The following JPH3 variants were observed in gnomAD, a reference collection of about 807,000 sequenced individuals.
The protein encoded by JPH3 is junctophilin-3.
JPH3 carries 11 observed loss-of-function variants against 59.6 expected under a neutral mutation model. The observed-to-expected ratio is 0.18, with a 90% CI of 0.12 to 0.31. The LOEUF (loss-of-function observed/expected upper bound fraction) is 0.31. JPH3 is among the 10% of genes least tolerant of loss of function. The probability of loss-of-function intolerance (pLI) is 1.00; values close to 1 mark genes in which losing one functional copy is unlikely to be tolerated. For synonymous variants in JPH3, 673 were observed against 483.6 expected (o/e 1.39, Z -5.14); for missense variants, 1,202 against 1,105.7 (o/e 1.09, Z -1.24).
intron 2 of JPH3, among the ~76,000 whole-genome samples, chr16:87,675,901 G>C (rs1207549176): frequency 6.6e-6 from 1 of 152,206 alleles, no homozygotes; most frequent in Non-Finnish European, 1.5e-5. Flanking sequence ...CTGCCCTGCT[G>C]GCCTTTCGCT....
intron 1 of JPH3, among the ~76,000 whole-genome samples, chr16:87,615,912 C>T (rs1008643547): frequency 9.2e-5 from 14 of 152,142 alleles, no homozygotes; most frequent in African/African-American, 2.9e-4. Flanking sequence ...CTGGATGGGT[C>T]AATGAGTGGT....
At chr16:87,651,172 C>CT (rs1387616724) in intron 2 of JPH3, among the ~76,000 whole-genome samples, 5 of 152,218 alleles carry the variant, frequency 3.3e-5, no homozygotes, top group African/African-American at 9.6e-5. Context: ...GGCTGCACGG[C>CT]TTACAGCATG....
chr16:87,671,150 G>C (rs2033004177), intron 2 of JPH3, among the ~76,000 whole-genome samples: 1 of 152,196 alleles, frequency 6.6e-6, no homozygotes, highest in South Asian at 2.1e-4. Flanking sequence ...AGTCCAGCGA[G>C]ACAATGGGGT....
At chr16:87,635,116 A>G (rs2031693937) in intron 1 of JPH3, among the ~76,000 whole-genome samples, 1 of 151,988 alleles carries the variant, frequency 6.6e-6, no homozygotes, top group Admixed American at 6.5e-5. Context: ...GCCGCACATG[A>G]GTGAGTGTCT....
chr16:87,614,841 C>T (rs2030891933), intron 1 of JPH3, among the ~76,000 whole-genome samples: 1 of 147,562 alleles, frequency 6.8e-6, no homozygotes, highest in African/African-American at 2.5e-5. Flanking sequence ...CTGTGCGTCC[C>T]TTCCCGGGAT....
chr16:87,648,126 C>T (rs544604735), intron 2 of JPH3, among the ~76,000 whole-genome samples: 1 of 152,294 alleles, frequency 6.6e-6, no homozygotes, highest in African/African-American at 2.4e-5. Context: ...ACTGGTGCGA[C>T]CCTTGGAGGT....
intron 4 of JPH3, among the ~76,000 whole-genome samples, chr16:87,691,794 C>T (rs1347210867): frequency 1.3e-5 from 2 of 152,030 alleles, no homozygotes; most frequent in Admixed American, 1.3e-4. Context: ...GACCAAAATA[C>T]CAGCTCACAC....
chr16:87,649,681 G>A (rs951894362), intron 2 of JPH3, among the ~76,000 whole-genome samples: 2 of 152,178 alleles, frequency 1.3e-5, no homozygotes, highest in African/African-American at 4.8e-5. Flanking sequence ...GAAAGCTCTG[G>A]TGGAAGCCGA....
intron 1 of JPH3, among the ~76,000 whole-genome samples, chr16:87,640,413 CAG>C (rs139460930): frequency 2.7e-3 from 416 of 151,822 alleles, no homozygotes; most frequent in African/African-American, 9.3e-3. Context: ...TGTTTAGAGA[CAG>C]AGTCTTGCTC....
chr16:87,686,488 T>C lies in JPH3; in HGVS notation c.1285+2222T>C, dbSNP rs1366410725. The stretch of plus-strand genomic sequence containing the variant: ...CAGTCCTGGAGTCAGAGATGCTTCC[T>C]GGAGGGCTCAATCCTGGAGTCAGAG... On this transcript the variant is annotated intron_variant, in intron 3 of 4. Transcript: ENST00000284262. Among the ~76,000 whole-genome samples the C allele has an allele frequency of 3.9e-5, 5 of 128,476 alleles. No individual in the cohort carries two copies. In the East Asian group the frequency reaches 8.4e-4, roughly 21 times the overall value. The allele number at this position is 128,476 out of a possible 152,430, so 84.3% of individuals were successfully genotyped here.
At chr16:87,673,089 T>G (rs964972894) in intron 2 of JPH3, among the ~76,000 whole-genome samples, 11 of 151,482 alleles carry the variant, frequency 7.3e-5, no homozygotes, top group African/African-American at 2.4e-4. Flanking sequence ...GAGGTTGCAG[T>G]GGGCCGAGAT....
At chr16:87,692,009 C>G (rs904203290) in intron 4 of JPH3, among the ~76,000 whole-genome samples, 12 of 152,144 alleles carry the variant, frequency 7.9e-5, no homozygotes, top group African/African-American at 2.4e-4. Context: ...AAGTGCCAAG[C>G]TGGCCTCTGG....
chr16:87,697,820 G>C lies in JPH3; in HGVS notation c.*1160G>C, dbSNP rs2033959145. ...AGTCCAACAAAAACAGGTTCCTTATGTTTCTGCCTTCTCCACCAGGGTCGC... is the reference window on the plus strand; with the variant it reads ...AGTCCAACAAAAACAGGTTCCTTATCTTTCTGCCTTCTCCACCAGGGTCGC... On this transcript the variant is annotated 3_prime_UTR_variant, in exon 5 of 5. Transcript: ENST00000284262. 6.6e-6 allele frequency: 1 copy of C among 152,248 alleles called. No individual in the cohort carries two copies. 9.4% of individuals were successfully genotyped at this position (152,248 alleles called of 1,614,324 possible).
chr16:87,678,685 A>C (rs774938578), intron 2 of JPH3, among the ~76,000 whole-genome samples: 5 of 152,154 alleles, frequency 3.3e-5, no homozygotes, highest in Non-Finnish European at 7.4e-5. Context: ...GGTCTCTGCA[A>C]ATGGAATTAG....
At chr16:87,692,592 A>G (rs1428751114) in intron 4 of JPH3, among the ~76,000 whole-genome samples, 2 of 113,280 alleles carry the variant, frequency 1.8e-5, no homozygotes, top group Non-Finnish European at 3.7e-5. Flanking sequence ...TAGCCCACAT[A>G]GGGTCCCACT....
chr16:87,684,375 C>G, intron 3 of JPH3, 109 bp downstream of exon 3: 1 of 1,471,228 alleles, frequency 6.8e-7, no homozygotes, highest in Non-Finnish European at 9.2e-7. Context: ...TAGATGGGCT[C>G]AGCCCCAGCT....
At position 87,603,544 on chromosome 16, in the gene JPH3, C is replaced by T. The variant is rs1167756190; in HGVS notation, c.382+16C>T. 2 of 1,542,634 alleles carry T rather than the reference C, an allele frequency of 1.3e-6. No homozygotes were observed. The highest frequency in any genetic ancestry group is 1.7e-6 in the Non-Finnish European group (2 of 1,144,184). ...TCGGACGGAGGTAGGTGCCGCGGGC[C>T]GGGCCGGGCCGGGGCGGGAGGGACG... On this transcript the variant is annotated intron_variant, in intron 1 of 4. Coordinates refer to ENST00000284262, the MANE Select transcript of JPH3 (RefSeq NM_020655.4).
intron 2 of JPH3, among the ~76,000 whole-genome samples, 177 bp downstream of exon 2, chr16:87,645,212 G>A (rs1372837361): frequency 6.6e-6 from 1 of 152,246 alleles, no homozygotes; most frequent in Non-Finnish European, 1.5e-5. Flanking sequence ...GTTCTCAGAG[G>A]TGACTGTGGT....
rs1238888203 is a variant in JPH3 at position 87,611,631 on chromosome 16, G to T, written c.382+8103G>T. 6.6e-6 allele frequency among the ~76,000 whole-genome samples: 1 copy of T among 152,006 alleles called. No homozygotes were observed. The highest frequency in any genetic ancestry group is 1.9e-4 in the East Asian group (1 of 5,178). ...GGAGTCTGAGTTGGGCAGGACATGGGCCCGCCTCTGTCTGCTGCTCTATGC... is the reference window on the plus strand; with the variant it reads ...GGAGTCTGAGTTGGGCAGGACATGGTCCCGCCTCTGTCTGCTGCTCTATGC... On this transcript the variant is annotated intron_variant, in intron 1 of 4. Coordinates refer to ENST00000284262, the MANE Select transcript of JPH3 (RefSeq NM_020655.4). The surrounding 1 kb of genome is among the most constrained non-coding windows in gnomAD (Gnocchi z 4.5).
Sources: allele counts gnomAD v4.1 joint callset (sites outside exome capture counted in the v4.1 genomes callset), GRCh38; gene constraint gnomAD v4.1.1; non-coding constraint Gnocchi (gnomAD v3.1); transcripts MANE v1.5; gene names NCBI Gene and HGNC (gene_info 2026-07-23, HGNC 2026-07-21).